Variants in ITPR2 observed in about 807,000 individuals in gnomAD.
The protein encoded by ITPR2 is inositol 1,4,5-trisphosphate receptor type 2, also known as inositol 1,4,5-trisphosphate-gated calcium channel ITPR2.
ITPR2 carries 207 observed loss-of-function variants against 317.1 expected under a neutral mutation model. That is an observed-to-expected ratio of 0.65 (90% confidence interval 0.58 to 0.73). ITPR2 has a LOEUF of 0.73. Among genes scored for constraint, ITPR2 ranks in the 30% least tolerant of loss-of-function variants. ITPR2 has a pLI of 0.00. For synonymous variants in ITPR2, 1,156 were observed against 1,149.1 expected (o/e 1.01, Z -0.12); for missense variants, 2,613 against 3,284.0 (o/e 0.80, Z 4.99).
intron 49 of ITPR2, among the ~76,000 whole-genome samples, chr12:26,424,451 T>G (rs1442526535): frequency 6.6e-6 from 1 of 152,196 alleles, no homozygotes; most frequent in Non-Finnish European, 1.5e-5. Flanking sequence ...ATTAAGTTAA[T>G]AAATGTACTA....
chr12:26,684,967 T>C (rs1948099027), intron 11 of ITPR2, among the ~76,000 whole-genome samples: 1 of 152,070 alleles, frequency 6.6e-6, no homozygotes, highest in Non-Finnish European at 1.5e-5. Flanking sequence ...TGGACTCATA[T>C]AAGGTATGAA....
chr12:26,471,944 A>G (rs903102276), intron 45 of ITPR2, among the ~76,000 whole-genome samples: 1 of 152,238 alleles, frequency 6.6e-6, no homozygotes, highest in Admixed American at 6.5e-5. Context: ...GTGGAGGACA[A>G]TAGATTCATG....
At chr12:26,547,390 A>G (rs1944414511) in intron 37 of ITPR2, among the ~76,000 whole-genome samples, 1 of 152,258 alleles carries the variant, frequency 6.6e-6, no homozygotes, top group African/African-American at 2.4e-5. Flanking sequence ...ATTATTAAAA[A>G]GACAAAAAAA....
At position 26,589,861 on chromosome 12, in the gene ITPR2, C is replaced by T. The variant is rs1194461705; in HGVS notation, c.4380+5604G>A. On this transcript the variant is annotated intron_variant, in intron 32 of 56. Transcript: ENST00000381340. Reference sequence around the variant, plus strand: ...ATATATATATATATATATACACACACACACACACACACACACACACACACA... The same window carrying T: ...ATATATATATATATATATACACACATACACACACACACACACACACACACA... Among the ~76,000 whole-genome samples, 146 of 50,482 alleles carry T rather than the reference C, an allele frequency of 2.9e-3. 1 individual carries two copies. The highest frequency in any genetic ancestry group is 5.6e-3 in the Non-Finnish European group (107 of 19,070). The allele number at this position is 50,482 out of a possible 152,430, so 33.1% of individuals were successfully genotyped here. A position where few individuals can be genotyped will look rare whatever the true frequency, so the allele number is the denominator to read the frequency against.
At chr12:26,455,060 A>C (rs2136768335) in intron 45 of ITPR2, among the ~76,000 whole-genome samples, 1 of 152,230 alleles carries the variant, frequency 6.6e-6, no homozygotes, top group South Asian at 2.1e-4. Context: ...AAGTGGGTTA[A>C]TTAGAGGCTT....
intron 1 of ITPR2, chr12:26,801,105 A>G (rs7308719): frequency 0.8 from 146,567 of 183,500 alleles, 58,829 homozygotes; most frequent in East Asian, 0.96. Context: ...GGGTGATGTC[A>G]CCTACCACTG....
chr12:26,405,042 G>A (rs1029744192), intron 52 of ITPR2, among the ~76,000 whole-genome samples: 2 of 151,994 alleles, frequency 1.3e-5, no homozygotes, highest in Non-Finnish European at 2.9e-5. Context: ...GCTGAGGCAG[G>A]AGAATCACTT....
chr12:26,387,368 G>C, intron 55 of ITPR2, 66 bp downstream of exon 55: 1 of 1,434,616 alleles, frequency 7.0e-7, no homozygotes, highest in Non-Finnish European at 9.7e-7. Flanking sequence ...GAGGATGGTA[G>C]GGTAGAGAAG....
chr12:26,566,991 AG>A (rs1945000456), intron 34 of ITPR2, among the ~76,000 whole-genome samples: 1 of 152,202 alleles, frequency 6.6e-6, no homozygotes, highest in African/African-American at 2.4e-5. Flanking sequence ...AAAATCAAAC[AG>A]AAGACAATAC....
chr12:26,811,245 G>A (rs1346643288), intron 1 of ITPR2, among the ~76,000 whole-genome samples: 3 of 152,064 alleles, frequency 2.0e-5, no homozygotes, highest in Non-Finnish European at 1.5e-5. Flanking sequence ...GAAAATACCC[G>A]GATATGAAAC....
At chr12:26,715,491 C>T in intron 7 of ITPR2, 46 bp from the exon 8 acceptor site, 1 of 1,558,812 alleles carries the variant, frequency 6.4e-7, no homozygotes, top group Non-Finnish European at 8.7e-7. Flanking sequence ...ATGTGAGAAG[C>T]AGGTGTCTCT....
chr12:26,718,283 G>A (rs2137036417), intron 5 of ITPR2, among the ~76,000 whole-genome samples: 1 of 151,852 alleles, frequency 6.6e-6, no homozygotes, highest in Admixed American at 6.6e-5. Flanking sequence ...ATTTCTTAAA[G>A]AACAACTGGA....
chr12:26,779,709 G>C (rs771155292), intron 2 of ITPR2, among the ~76,000 whole-genome samples: 1 of 152,346 alleles, frequency 6.6e-6, no homozygotes, highest in East Asian at 1.9e-4. Flanking sequence ...CCATGAAGGA[G>C]AGCAGTGAAG....
At chr12:26,444,675 C>T (rs80082761) in intron 45 of ITPR2, among the ~76,000 whole-genome samples, 21,354 of 151,952 alleles carry the variant, frequency 0.14, 2,922 homozygotes, top group African/African-American at 0.35. Flanking sequence ...ATCGACATTA[C>T]GGAGCAATAA....
At position 26,724,914 on chromosome 12, in the gene ITPR2, A is replaced by T. The variant is rs575993924; in HGVS notation, c.280-172T>A. Among the ~76,000 whole-genome samples the T allele has an allele frequency of 3.3e-5, 5 of 152,274 alleles. No individual in the cohort carries two copies. In the South Asian group the frequency reaches 6.2e-4, roughly 19 times the overall value. On this transcript the variant is annotated intron_variant, in intron 3 of 56. Coordinates refer to ENST00000381340, the MANE Select transcript of ITPR2 (RefSeq NM_002223.4). ...TTTTGTTTTGCTTTATGTTTCCATC[A>T]TATCATATTGTCTTTCAGATTTTCA...
At chr12:26,748,498 C>T (rs1424106725) in intron 2 of ITPR2, among the ~76,000 whole-genome samples, 1 of 152,136 alleles carries the variant, frequency 6.6e-6, no homozygotes, top group Non-Finnish European at 1.5e-5. Flanking sequence ...TATGTTTGCA[C>T]CAACCTAATA....
intron 39 of ITPR2, among the ~76,000 whole-genome samples, chr12:26,492,595 A>C (rs879554286): frequency 6.6e-6 from 1 of 152,198 alleles, no homozygotes; most frequent in Non-Finnish European, 1.5e-5. Context: ...GTATTCTGTC[A>C]TGTTTATATA....
At chr12:26,671,603 A>G (rs1360793000) in intron 13 of ITPR2, among the ~76,000 whole-genome samples, 4 of 152,234 alleles carry the variant, frequency 2.6e-5, no homozygotes, top group Non-Finnish European at 4.4e-5. Flanking sequence ...TCATGTCAAA[A>G]TGTAAAGACC....
chr12:26,526,451 T>A (rs1436555466), intron 37 of ITPR2, among the ~76,000 whole-genome samples: 2 of 152,198 alleles, frequency 1.3e-5, no homozygotes, highest in Non-Finnish European at 2.9e-5. Context: ...CCACTGTGGC[T>A]ACACTATAAT....
Sources: allele counts gnomAD v4.1 joint callset (sites outside exome capture counted in the v4.1 genomes callset), GRCh38; gene constraint gnomAD v4.1.1; transcripts MANE v1.5; gene names NCBI Gene and HGNC (gene_info 2026-07-23, HGNC 2026-07-21).